Variants in SMYD3 observed in about 807,000 individuals in gnomAD.
SMYD3 encodes SET and MYND domain containing 3.
Under a neutral mutation model 57.7 loss-of-function variants are expected in SMYD3, and 36 were observed. That is an observed-to-expected ratio of 0.62 (90% confidence interval 0.48 to 0.82). SMYD3 has a LOEUF of 0.82. Among genes scored for constraint, SMYD3 ranks in the 40% least tolerant of loss-of-function variants. SMYD3 has a pLI of 0.00. For missense variants in SMYD3, 515 were observed against 538.8 expected, an observed-to-expected ratio of 0.96 and a Z score of 0.44; for synonymous variants, 211 against 195.0, an observed-to-expected ratio of 1.08 and a Z score of -0.68.
chr1:245,983,085 T>C (rs1005380300), intron 5 of SMYD3, among the ~76,000 whole-genome samples: 4 of 152,194 alleles, frequency 2.6e-5, no homozygotes, highest in South Asian at 2.1e-4. Context: ...CAACGTGATC[T>C]TTCCCCCCAT....
intron 10 of SMYD3, among the ~76,000 whole-genome samples, chr1:245,787,118 T>TCA (rs1263405119): frequency 6.6e-6 from 1 of 152,248 alleles, no homozygotes; most frequent in Non-Finnish European, 1.5e-5. Context: ...CTTTTCAAGA[T>TCA]CACACATCAT....
intron 5 of SMYD3, among the ~76,000 whole-genome samples, chr1:246,208,923 T>G (rs969776553): frequency 3.3e-5 from 5 of 152,310 alleles, no homozygotes; most frequent in Admixed American, 6.5e-5. Flanking sequence ...ACTACTGGAT[T>G]CAGCTAAAGG....
At chr1:245,809,671 C>G (rs903790835) in intron 10 of SMYD3, among the ~76,000 whole-genome samples, 1 of 152,218 alleles carries the variant, frequency 6.6e-6, no homozygotes, top group Non-Finnish European at 1.5e-5. Context: ...ACGCAGAAAA[C>G]ATCCTAGTGC....
chr1:246,213,027 G>A (rs761263478), intron 5 of SMYD3, among the ~76,000 whole-genome samples: 2 of 152,098 alleles, frequency 1.3e-5, no homozygotes, highest in Non-Finnish European at 2.9e-5. Context: ...TCCAGGGCAG[G>A]TGATGACACT....
rs139606975 is a variant in SMYD3, at chr1:246,448,702, T to A, written c.164+58352A>T. Among the ~76,000 whole-genome samples the A allele has an allele frequency of 3.1e-3, 284 of 92,852 alleles. 2 individuals are homozygous for A. The highest frequency in any genetic ancestry group is 0.013 in the African/African-American group (242 of 18,562). The allele number at this position is 92,852 out of a possible 152,430, so 60.9% of individuals were successfully genotyped here. A position where few individuals can be genotyped will look rare whatever the true frequency, so the allele number is the denominator to read the frequency against. ...ACACAGCAAGATCTCATCTCTTTTT[T>A]TTAAAAAAAAAAAAAAAAAAAAAAA... On this transcript the variant is annotated intron_variant, in intron 1 of 11. Coordinates refer to ENST00000490107, the MANE Select transcript of SMYD3 (RefSeq NM_001167740.2).
In SMYD3 at chr1:245,749,380, G is replaced by T; in HGVS notation, c.*183C>A. 1 of 492,988 alleles carries T rather than the reference G, an allele frequency of 2.0e-6. No individual in the cohort carries two copies. Among genetic ancestry groups the T allele is most frequent in the Non-Finnish European group, 3.6e-6 (1 of 280,582 alleles). 30.5% of individuals were successfully genotyped at this position (492,988 alleles called of 1,614,324 possible). ...CAAATGTTTTGAATTTATTATAATCGTGCTTCTCTACAACTAATGATTCTT... is the reference window on the plus strand; with the variant it reads ...CAAATGTTTTGAATTTATTATAATCTTGCTTCTCTACAACTAATGATTCTT... On this transcript the variant is annotated 3_prime_UTR_variant, in exon 12 of 12. Transcript: ENST00000490107.
chr1:246,291,314 G>C (rs2064685759), intron 5 of SMYD3, among the ~76,000 whole-genome samples: 1 of 152,220 alleles, frequency 6.6e-6, no homozygotes. Context: ...AGAAGGAAGA[G>C]AGTGAGCTAA....
intron 5 of SMYD3, among the ~76,000 whole-genome samples, chr1:246,065,935 A>C (rs963667381): frequency 1.3e-5 from 2 of 152,028 alleles, no homozygotes; most frequent in African/African-American, 4.8e-5. Flanking sequence ...TTTAATCCAA[A>C]TTTTCATTTC....
intron 7 of SMYD3, among the ~76,000 whole-genome samples, chr1:245,927,569 C>T (rs1040414309): frequency 1.1e-4 from 17 of 152,152 alleles, no homozygotes; most frequent in African/African-American, 3.9e-4. Flanking sequence ...CCCCCCCCTG[C>T]CCACGGAAGG....
intron 5 of SMYD3, among the ~76,000 whole-genome samples, chr1:246,073,504 C>T (rs2788007): frequency 0.2 from 30,528 of 151,808 alleles, 3,522 homozygotes; most frequent in East Asian, 0.39. Context: ...ATCGCTTGAG[C>T]CCAGGAGTTC....
At chr1:246,369,421 G>C (rs997117775) in intron 1 of SMYD3, among the ~76,000 whole-genome samples, 1 of 152,130 alleles carries the variant, frequency 6.6e-6, no homozygotes, top group Non-Finnish European at 1.5e-5. Flanking sequence ...AAATTGAAGT[G>C]ATTACACCCA....
intron 1 of SMYD3, among the ~76,000 whole-genome samples, chr1:246,453,812 T>C (rs933110348): frequency 4.6e-5 from 7 of 152,208 alleles, no homozygotes; most frequent in Non-Finnish European, 1.0e-4. Context: ...ATACCTTCTA[T>C]TACCAGCCCA....
rs2058466151 is a variant in SMYD3, at chr1:245,977,176, C to T, written c.532-47239G>A. Among the ~76,000 whole-genome samples, 3 of 152,178 alleles carry T rather than the reference C, an allele frequency of 2.0e-5. No homozygotes were observed. In the South Asian group the frequency reaches 6.2e-4, roughly 32 times the overall value. On this transcript the variant is annotated intron_variant, in intron 5 of 11. Transcript: ENST00000490107. ...AGAATTAGAATCATCTTTTTACAAA[C>T]ATGAAGGATTCAGTCACACCCACAT...
chr1:246,125,540 T>G (rs150144701), intron 5 of SMYD3, among the ~76,000 whole-genome samples: 1 of 152,270 alleles, frequency 6.6e-6, no homozygotes, highest in African/African-American at 2.4e-5. Context: ...AAATTTAAAA[T>G]TTTTAGCTAT....
At chr1:245,806,870 A>C (rs779900588) in intron 10 of SMYD3, among the ~76,000 whole-genome samples, 9 of 131,526 alleles carry the variant, frequency 6.8e-5, no homozygotes, top group South Asian at 2.5e-4. Flanking sequence ...AGATCGCGCC[A>C]CTGCAGTCCG....
intron 1 of SMYD3, among the ~76,000 whole-genome samples, chr1:246,445,654 G>A (rs2067541618): frequency 6.6e-6 from 1 of 152,138 alleles, no homozygotes; most frequent in African/African-American, 2.4e-5. Flanking sequence ...AACCCCTACA[G>A]CTGTTAAGAC....
chr1:245,963,855 G>A (rs2058072171), intron 5 of SMYD3, among the ~76,000 whole-genome samples: 1 of 152,116 alleles, frequency 6.6e-6, no homozygotes, highest in Non-Finnish European at 1.5e-5. Flanking sequence ...AAACTGAGAA[G>A]CACTGAGTGA....
At chr1:245,795,936 T>G (rs2047503228) in intron 10 of SMYD3, among the ~76,000 whole-genome samples, 1 of 152,202 alleles carries the variant, frequency 6.6e-6, no homozygotes, top group South Asian at 2.1e-4. Flanking sequence ...TCACTCTATC[T>G]TAGTAACCCT....
intron 11 of SMYD3, among the ~76,000 whole-genome samples, chr1:245,760,524 G>A (rs1048485429): frequency 1.6e-4 from 24 of 152,152 alleles, no homozygotes; most frequent in Admixed American, 1.4e-3. Context: ...GTCATGAGAA[G>A]ATCTGGTCCA....
Sources: gnomAD v4.1 joint callset for allele counts (sites outside exome capture counted in the v4.1 genomes callset) on GRCh38, gnomAD v4.1.1 for gene constraint, MANE v1.5 for transcripts, NCBI Gene and HGNC (gene_info 2026-07-23, HGNC 2026-07-21) for gene names.